The following MAML2 variants were observed in gnomAD, a reference collection of about 807,000 sequenced individuals.
MAML2 encodes the protein mastermind like transcriptional coactivator 2.
In MAML2, 22 loss-of-function variants were observed where a neutral mutation model predicts 96.1. The ratio of observed to expected loss-of-function variants is 0.23; its 90% CI spans 0.16 to 0.33. The LOEUF (loss-of-function observed/expected upper bound fraction) is 0.33, where lower values mean the gene tolerates loss of function less well. Ranked by LOEUF, MAML2 falls within the 10% of genes least tolerant of loss-of-function variation. The pLI, the probability that MAML2 is intolerant of heterozygous loss-of-function variation, is 1.00. For synonymous variants in MAML2, 561 were observed against 521.3 expected (o/e 1.08, Z -1.04); for missense variants, 1,367 against 1,392.4 (o/e 0.98, Z 0.29).
At position 95,979,471 on chromosome 11, in the gene MAML2, C is replaced by A. The variant is rs972100220; in HGVS notation, c.2948G>T (p.Gly983Val). 5 of 1,613,504 alleles carry A rather than the reference C, an allele frequency of 3.1e-6. No homozygotes were observed. Among genetic ancestry groups the A allele is most frequent in the Non-Finnish European group, 3.4e-6 (4 of 1,179,722 alleles). The change falls in exon 5 of 5, where the codon GGA (glycine) becomes GTA (valine). Residue 983 changes from glycine to valine, a missense_variant. By Grantham distance (109) the Gly-to-Val change is moderately radical (BLOSUM62 -3). Transcript: ENST00000524717. ...SKQQEALTSA[G>V]VRFPTGTPAA... ...AGGTGTACCTGTGGGGAAGCGGACT[C>A]CTGCAGACGTCAGGGCTTCTTGCTG...
At chr11:96,059,175 G>T (rs981536254) in intron 2 of MAML2, among the ~76,000 whole-genome samples, 11 of 152,124 alleles carry the variant, frequency 7.2e-5, no homozygotes, top group Non-Finnish European at 1.5e-4. Context: ...AAGGTACCTT[G>T]GACTCTTAGC....
intron 1 of MAML2, among the ~76,000 whole-genome samples, chr11:96,319,421 T>C (rs1437930493): frequency 6.6e-6 from 1 of 152,244 alleles, no homozygotes; most frequent in Admixed American, 6.5e-5. Context: ...AAGTAATTTG[T>C]TACAAAGCAA....
chr11:96,185,766 T>G (rs1861565447), intron 1 of MAML2, among the ~76,000 whole-genome samples: 1 of 152,212 alleles, frequency 6.6e-6, no homozygotes, highest in Non-Finnish European at 1.5e-5. Context: ...TTTAGAACCT[T>G]GTGTATGCAT....
At chr11:96,011,862 T>C (rs1858272621) in intron 2 of MAML2, among the ~76,000 whole-genome samples, 1 of 152,226 alleles carries the variant, frequency 6.6e-6, no homozygotes, top group African/African-American at 2.4e-5. Flanking sequence ...AAGAATTTGG[T>C]TTGCAAAACA....
intron 1 of MAML2, among the ~76,000 whole-genome samples, chr11:96,176,786 C>T (rs1317082291): frequency 6.6e-6 from 1 of 152,144 alleles, no homozygotes; most frequent in Non-Finnish European, 1.5e-5. Context: ...GAATGTCAGG[C>T]ACTTTAATCT....
At chr11:96,071,877 T>C (rs559533727) in intron 2 of MAML2, among the ~76,000 whole-genome samples, 5 of 152,358 alleles carry the variant, frequency 3.3e-5, no homozygotes, top group Non-Finnish European at 7.3e-5. Context: ...ATTTTGAAGA[T>C]TGGCTGTCTT....
chr11:96,245,894 G>A (rs558304657), intron 1 of MAML2, among the ~76,000 whole-genome samples: 2 of 151,808 alleles, frequency 1.3e-5, no homozygotes, highest in Non-Finnish European at 2.9e-5. Flanking sequence ...TAGTAGAGAC[G>A]GGGTTTCACC....
At chr11:96,007,882 G>A (rs1371130488) in intron 2 of MAML2, among the ~76,000 whole-genome samples, 2 of 129,918 alleles carry the variant, frequency 1.5e-5, no homozygotes, top group Non-Finnish European at 3.3e-5. Flanking sequence ...GTGGTGGGGT[G>A]GGGGGAGGGG....
intron 3 of MAML2, among the ~76,000 whole-genome samples, chr11:95,988,248 A>G (rs180679540): frequency 6.6e-6 from 1 of 151,642 alleles, no homozygotes; most frequent in Non-Finnish European, 1.5e-5. Context: ...TATATCTTCA[A>G]TCTAATTATT....
At chr11:96,161,955 C>T (rs1463922591) in intron 1 of MAML2, among the ~76,000 whole-genome samples, 1 of 152,172 alleles carries the variant, frequency 6.6e-6, no homozygotes, top group Non-Finnish European at 1.5e-5. Context: ...GCTAGCTCTT[C>T]AGGCCCTCAG....
intron 1 of MAML2, among the ~76,000 whole-genome samples, chr11:96,191,751 A>G (rs1210648649): frequency 1.4e-5 from 2 of 148,096 alleles, no homozygotes; most frequent in Non-Finnish European, 3.0e-5. Context: ...CAGCCTGGCA[A>G]CAGAGCGAAA....
At chr11:96,053,727 G>A (rs1859021607) in intron 2 of MAML2, among the ~76,000 whole-genome samples, 1 of 152,174 alleles carries the variant, frequency 6.6e-6, no homozygotes, top group Admixed American at 6.5e-5. Flanking sequence ...TACATAATGT[G>A]ACTCCATTTA....
At chr11:96,161,913 A>G (rs12792458) in intron 1 of MAML2, among the ~76,000 whole-genome samples, 11,598 of 152,250 alleles carry the variant, frequency 0.076, 525 homozygotes, top group Non-Finnish European at 0.098. Context: ...TGGATCTTAC[A>G]ACAGGTTGGT....
chr11:96,122,495 T>TA (rs1411750854), intron 1 of MAML2, among the ~76,000 whole-genome samples: 3 of 59,360 alleles, frequency 5.1e-5, no homozygotes, highest in African/African-American at 2.1e-4. Context: ...TCTTTTAGGC[T>TA]GGGTGTGTGT....
intron 1 of MAML2, among the ~76,000 whole-genome samples, chr11:96,333,545 T>C (rs577335267): frequency 6.6e-6 from 1 of 152,328 alleles, no homozygotes; most frequent in South Asian, 2.1e-4. Flanking sequence ...CTTGGCAACA[T>C]CTTCCTCATG....
At chr11:96,108,066 A>G (rs531274111) in intron 1 of MAML2, among the ~76,000 whole-genome samples, 2 of 152,374 alleles carry the variant, frequency 1.3e-5, no homozygotes, top group East Asian at 3.9e-4. Context: ...TCAGAAGCAC[A>G]GGTCACAACC....
intron 1 of MAML2, among the ~76,000 whole-genome samples, chr11:96,261,387 T>C (rs1862747404): frequency 6.6e-6 from 1 of 151,968 alleles, no homozygotes. Flanking sequence ...AATTACCCAG[T>C]TTTGGGTGTT....
At position 96,094,258 on chromosome 11, in the gene MAML2, C is replaced by T. The variant is rs77588433; in HGVS notation, c.514-741G>A. Among the ~76,000 whole-genome samples the T allele has an allele frequency of 7.2e-4, 110 of 152,256 alleles. 1 individual carries two copies. Among genetic ancestry groups the T allele is most frequent in the African/African-American group, 2.4e-3 (99 of 41,542 alleles). ...CTGTAACTAAATCTCGTTACCAAAA[C>T]GAAAGTGTTAATTGCTTAGGCTCTG... is the stretch of plus-strand genomic sequence containing the variant. On this transcript the variant is annotated intron_variant, in intron 1 of 4. Coordinates refer to ENST00000524717, the MANE Select transcript of MAML2 (RefSeq NM_032427.4).
chr11:96,208,227 T>G (rs1430520058), intron 1 of MAML2, among the ~76,000 whole-genome samples: 1 of 152,246 alleles, frequency 6.6e-6, no homozygotes, highest in Admixed American at 6.5e-5. Flanking sequence ...AATGGGGTTA[T>G]TCTGTCAAAA....
Sources: gnomAD v4.1 joint callset for allele counts (sites outside exome capture counted in the v4.1 genomes callset) on GRCh38, gnomAD v4.1.1 for gene constraint, MANE v1.5 for transcripts, NCBI Gene and HGNC (gene_info 2026-07-23, HGNC 2026-07-21) for gene names.